IMMP2L: variants seen among roughly 807,000 people sequenced by gnomAD.
IMMP2L encodes the protein inner mitochondrial membrane peptidase subunit 2, also known as mitochondrial inner membrane protease subunit 2.
In IMMP2L, 18 loss-of-function variants were observed where a neutral mutation model predicts 19.3. The ratio of observed to expected loss-of-function variants is 0.93; its 90% CI spans 0.64 to 1.38. The LOEUF (loss-of-function observed/expected upper bound fraction) is 1.38, where lower values mean the gene tolerates loss of function less well. Ranked by LOEUF, IMMP2L falls within the 40% of genes most tolerant of loss-of-function variation. The probability of loss-of-function intolerance (pLI) is 0.00; values close to 1 mark genes in which losing one functional copy is unlikely to be tolerated. For synonymous variants in IMMP2L, 76 were observed against 73.0 expected, an observed-to-expected ratio of 1.04 and a Z score of -0.21; for missense variants, 233 against 218.2, an observed-to-expected ratio of 1.07 and a Z score of -0.43.
chr7:111,146,803 G>C (rs943554577), intron 3 of IMMP2L, among the ~76,000 whole-genome samples: 23 of 152,094 alleles, frequency 1.5e-4, no homozygotes, highest in Non-Finnish European at 7.4e-5. Flanking sequence ...AATTGAATTA[G>C]ATGTGTTCTG....
chr7:110,857,251 G>C (rs1806892168), intron 5 of IMMP2L, among the ~76,000 whole-genome samples: 1 of 152,072 alleles, frequency 6.6e-6, no homozygotes, highest in African/African-American at 2.4e-5. Flanking sequence ...GTCTTGATCA[G>C]GTGAAACCTA....
chr7:110,789,840 C>T (rs1281555932), intron 5 of IMMP2L, among the ~76,000 whole-genome samples: 6 of 151,546 alleles, frequency 4.0e-5, no homozygotes, highest in African/African-American at 1.5e-4. Flanking sequence ...TTCCTTCTCC[C>T]TGGAATGTAC....
intron 3 of IMMP2L, among the ~76,000 whole-genome samples, chr7:111,113,531 T>TC (rs1395431559): frequency 6.6e-6 from 1 of 152,174 alleles, no homozygotes; most frequent in African/African-American, 2.4e-5. Flanking sequence ...TTTATTTTTT[T>TC]CTTTTAACTA....
intron 5 of IMMP2L, among the ~76,000 whole-genome samples, chr7:110,851,513 T>G (rs1215029552): frequency 6.6e-6 from 1 of 152,142 alleles, no homozygotes; most frequent in Non-Finnish European, 1.5e-5. Flanking sequence ...TCTGAAAGAC[T>G]GAGCAATCTA....
intron 4 of IMMP2L, among the ~76,000 whole-genome samples, chr7:110,919,202 T>C (rs1396352918): frequency 1.9e-5 from 2 of 106,322 alleles, no homozygotes; most frequent in Non-Finnish European, 1.7e-5. Context: ...AAATGTAACT[T>C]TTATTTCACT....
chr7:110,825,598 A>G (rs1803409479), intron 5 of IMMP2L, among the ~76,000 whole-genome samples: 1 of 152,194 alleles, frequency 6.6e-6, no homozygotes, highest in African/African-American at 2.4e-5. Context: ...AGGATTCCCT[A>G]TTTAATAAAT....
At chr7:110,669,323 G>A (rs1034033751) in intron 5 of IMMP2L, among the ~76,000 whole-genome samples, 2 of 152,096 alleles carry the variant, frequency 1.3e-5, no homozygotes, top group African/African-American at 4.8e-5. Flanking sequence ...CTGCTGGTGT[G>A]TTCCTTCTTA....
chr7:111,278,264 C>G lies in IMMP2L; in HGVS notation c.239+208974G>C, dbSNP rs188569052. On this transcript the variant is annotated intron_variant, in intron 3 of 5. Coordinates refer to ENST00000405709, the MANE Select transcript of IMMP2L (RefSeq NM_032549.4). ...TGAAAAGTTTTAACATACACATTTA[C>G]AGTGCTTCTCAACAATTTCTGCCCT... Among the ~76,000 whole-genome samples, 3 of 152,300 alleles carry G rather than the reference C, an allele frequency of 2.0e-5. No homozygotes were observed. The East Asian group carries it at 5.8e-4, about 29-fold the overall frequency.
intron 1 of IMMP2L, among the ~76,000 whole-genome samples, chr7:111,549,367 C>G (rs182025334): frequency 6.6e-6 from 1 of 152,180 alleles, no homozygotes; most frequent in East Asian, 1.9e-4. Context: ...AAATGAAGTT[C>G]ACAGACAAAA....
At chr7:111,363,272 C>T (rs1009682432) in intron 3 of IMMP2L, among the ~76,000 whole-genome samples, 18 of 151,996 alleles carry the variant, frequency 1.2e-4, no homozygotes, top group South Asian at 2.1e-4. Context: ...GCATCATAAC[C>T]CTGTTAGAAA....
chr7:111,136,682 C>A (rs1297423724), intron 3 of IMMP2L, among the ~76,000 whole-genome samples: 2 of 152,154 alleles, frequency 1.3e-5, no homozygotes, highest in Non-Finnish European at 2.9e-5. Context: ...AATTCCTGCA[C>A]TATTTTCAAA....
chr7:110,809,929 T>C (rs1379200847), intron 5 of IMMP2L, among the ~76,000 whole-genome samples: 1 of 152,032 alleles, frequency 6.6e-6, no homozygotes, highest in Non-Finnish European at 1.5e-5. Flanking sequence ...TCCAAAAGCT[T>C]TACATACACT....
chr7:110,966,254 T>C (rs563479892), intron 3 of IMMP2L, among the ~76,000 whole-genome samples: 1 of 152,110 alleles, frequency 6.6e-6, no homozygotes, highest in African/African-American at 2.4e-5. Flanking sequence ...AGCAAGAAGA[T>C]TCTAAAACAA....
chr7:111,526,633 T>G (rs1437778907), intron 1 of IMMP2L, among the ~76,000 whole-genome samples: 1 of 152,202 alleles, frequency 6.6e-6, no homozygotes, highest in Non-Finnish European at 1.5e-5. Context: ...TGAGCAAGAT[T>G]CTTTCCTGTT....
chr7:111,376,624 T>C lies in IMMP2L; in HGVS notation c.239+110614A>G, dbSNP rs571203605. 6.6e-5 allele frequency among the ~76,000 whole-genome samples: 10 copies of C among 152,180 alleles called. No homozygotes were observed. In the South Asian group the frequency reaches 1.7e-3, roughly 25 times the overall value. On this transcript the variant is annotated intron_variant, in intron 3 of 5. Transcript: ENST00000405709. ...ATGTTCATAAAAGCATTATTCATAA[T>C]AGCTAAAAGGTGGAAACAATCTAAA...
intron 5 of IMMP2L, among the ~76,000 whole-genome samples, chr7:110,739,471 C>T (rs2130859903): frequency 6.6e-6 from 1 of 152,152 alleles, no homozygotes; most frequent in Non-Finnish European, 1.5e-5. Context: ...AGACAAAGGA[C>T]ATTACATAAT....
At chr7:111,407,612 GA>G (rs1383016235) in intron 3 of IMMP2L, among the ~76,000 whole-genome samples, 1 of 151,952 alleles carries the variant, frequency 6.6e-6, no homozygotes, top group Non-Finnish European at 1.5e-5. Context: ...AAAATCAATA[GA>G]AATACAAAAT....
intron 3 of IMMP2L, among the ~76,000 whole-genome samples, chr7:111,109,405 G>T (rs1475813000): frequency 6.6e-6 from 1 of 152,040 alleles, no homozygotes; most frequent in Non-Finnish European, 1.5e-5. Context: ...ACTGTGCAAA[G>T]AAGACAAGTC....
intron 3 of IMMP2L, among the ~76,000 whole-genome samples, chr7:111,110,769 T>A (rs1333231956): frequency 1.3e-5 from 2 of 152,176 alleles, no homozygotes; most frequent in East Asian, 3.8e-4. Flanking sequence ...ATACCAGTTA[T>A]TTAATTATAA....
Sources: allele counts gnomAD v4.1 joint callset (sites outside exome capture counted in the v4.1 genomes callset), GRCh38; gene constraint gnomAD v4.1.1; transcripts MANE v1.5; gene names NCBI Gene and HGNC (gene_info 2026-07-23, HGNC 2026-07-21).